TRAF3IP1: variants seen among roughly 807,000 people sequenced by gnomAD.
TRAF3IP1 encodes the protein TRAF3-interacting protein 1.
In TRAF3IP1, 53 loss-of-function variants were observed where a neutral mutation model predicts 89.9. That is an observed-to-expected ratio of 0.59 (90% CI 0.47 to 0.74). The LOEUF is 0.74. TRAF3IP1 is among the 30% of genes least tolerant of loss of function. The pLI is 0.00. For missense variants in TRAF3IP1, 806 were observed against 866.1 expected, an observed-to-expected ratio of 0.93 and a Z score of 0.87; for synonymous variants, 311 against 322.1, an observed-to-expected ratio of 0.97 and a Z score of 0.37.
At chr2:238,386,605 G>C (rs1183948532) in intron 15 of TRAF3IP1, among the ~76,000 whole-genome samples, 3 of 152,152 alleles carry the variant, frequency 2.0e-5, no homozygotes, top group Non-Finnish European at 4.4e-5. Flanking sequence ...GAGCCACTGA[G>C]CCCGGCCAAA....
chr2:238,379,010 C>T lies in TRAF3IP1; in HGVS notation c.1690-18449C>T, dbSNP rs113725999. ...GGTGCCCTCTGTGGGACTCAGCGTT[C>T]GGTCCCCACCTCAGGCAGCCTGGCG... On this transcript the variant is annotated intron_variant, in intron 15 of 16. Coordinates refer to ENST00000373327, the MANE Select transcript of TRAF3IP1 (RefSeq NM_015650.4). The surrounding 1 kb of genome is among the most constrained non-coding windows in gnomAD (Gnocchi z 4.0). Among the ~76,000 whole-genome samples the T allele has an allele frequency of 0.059, 9,024 of 152,232 alleles. 379 individuals carry two copies. Among genetic ancestry groups the T allele is most frequent in the Non-Finnish European group, 0.081 (5,533 of 68,020 alleles).
chr2:238,378,387 G>A (rs890039739), intron 15 of TRAF3IP1, among the ~76,000 whole-genome samples: 2 of 152,134 alleles, frequency 1.3e-5, no homozygotes, highest in African/African-American at 2.4e-5. Flanking sequence ...CACTGTTCTC[G>A]GCATTCAGTC....
At chr2:238,337,694 C>T (rs1240525796) in intron 7 of TRAF3IP1, among the ~76,000 whole-genome samples, 4 of 152,194 alleles carry the variant, frequency 2.6e-5, no homozygotes, top group East Asian at 1.9e-4. Context: ...CTTGTTTGAA[C>T]GGAAAGGAAT....
intron 1 of TRAF3IP1, among the ~76,000 whole-genome samples, chr2:238,323,500 C>T (rs966640611): frequency 1.3e-4 from 20 of 152,192 alleles, no homozygotes; most frequent in African/African-American, 4.3e-4. Flanking sequence ...TCAAGAAAAA[C>T]AGTAGCATAG....
intron 15 of TRAF3IP1, among the ~76,000 whole-genome samples, chr2:238,363,271 A>G (rs916614481): frequency 3.9e-5 from 6 of 152,050 alleles, no homozygotes; most frequent in Non-Finnish European, 7.4e-5. Context: ...CTTTATTTTG[A>G]GTCGTTGTCG....
rs148812100 is a variant in TRAF3IP1 at position 238,397,478 on chromosome 2, C to T, written c.1709C>T (p.Ser570Leu). 14 of 1,612,760 alleles carry T rather than the reference C, an allele frequency of 8.7e-6. No homozygotes were observed. Among genetic ancestry groups the T allele is most frequent in the East Asian group, 2.2e-5 (1 of 44,864 alleles). ...PGEKERSLFE[S>L]AWKKEKDIVS... ...CTGTAGGAGCGATCTCTCTTTGAGT[C>T]GGCATGGAAGAAGGAGAAGGACATC... Residue 570 changes from serine (S) to leucine (L), a missense_variant, in exon 16 of 17, where the codon TCG becomes TTG. Coordinates refer to ENST00000373327, the MANE Select transcript of TRAF3IP1 (RefSeq NM_015650.4).
At chr2:238,357,372 GTT>G (rs1699464641) in intron 15 of TRAF3IP1, among the ~76,000 whole-genome samples, 1 of 152,114 alleles carries the variant, frequency 6.6e-6, no homozygotes, top group Non-Finnish European at 1.5e-5. Context: ...ATTTAAAAAA[GTT>G]TTATATATAG....
intron 15 of TRAF3IP1, among the ~76,000 whole-genome samples, chr2:238,386,034 T>C (rs1039199076): frequency 7.9e-5 from 12 of 152,254 alleles, no homozygotes; most frequent in African/African-American, 2.9e-4. Context: ...ATTTGGGGTA[T>C]ACATGCAGAC....
At chr2:238,394,529 A>G (rs1228297136) in intron 15 of TRAF3IP1, among the ~76,000 whole-genome samples, 1 of 152,222 alleles carries the variant, frequency 6.6e-6, no homozygotes, top group Non-Finnish European at 1.5e-5. Flanking sequence ...AACTAAGGAT[A>G]GTCTTCTATT....
At chr2:238,396,544 T>TA (rs112286282) in intron 15 of TRAF3IP1, among the ~76,000 whole-genome samples, 24 of 142,374 alleles carry the variant, frequency 1.7e-4, no homozygotes, top group Middle Eastern at 3.6e-3. Context: ...ATAAAAAAAT[T>TA]AAAAAAAAAA....
rs1699045176 is a variant in TRAF3IP1, at chr2:238,349,400, A to T, written c.1443A>T (p.Gln481His). 6.2e-7 allele frequency: 1 copy of T among 1,614,096 alleles called. No individual in the cohort carries two copies. The highest frequency in any genetic ancestry group is 1.1e-5 in the South Asian group (1 of 91,068). ...GGCAAGACAGCATGGAGGCGCTACAAATGGATAGGTAAGGCTGGCTCAGCA... is the reference window on the plus strand; with the variant it reads ...GGCAAGACAGCATGGAGGCGCTACATATGGATAGGTAAGGCTGGCTCAGCA... Reference protein sequence around the residue: ...VKRQDSMEALQMDRSGSGKTV... With the variant: ...VKRQDSMEALHMDRSGSGKTV... The change falls in exon 12 of 17, where the codon CAA becomes CAT. Residue 481 changes from glutamine to histidine, a missense_variant. Coordinates refer to ENST00000373327, the MANE Select transcript of TRAF3IP1 (RefSeq NM_015650.4).
intron 15 of TRAF3IP1, among the ~76,000 whole-genome samples, chr2:238,358,846 C>T (rs1699537723): frequency 6.6e-6 from 1 of 152,214 alleles, no homozygotes; most frequent in Admixed American, 6.5e-5. Context: ...CATTTCCTTT[C>T]ATAGACAATG....
chr2:238,377,105 TC>T (rs1364706056), intron 15 of TRAF3IP1, among the ~76,000 whole-genome samples: 2 of 152,204 alleles, frequency 1.3e-5, no homozygotes, highest in East Asian at 3.8e-4. Flanking sequence ...TGGCTTCATT[TC>T]CTTCTTTCCA....
At chr2:238,376,543 C>T in intron 15 of TRAF3IP1, among the ~76,000 whole-genome samples, 1 of 152,300 alleles carries the variant, frequency 6.6e-6, no homozygotes, top group Non-Finnish European at 1.5e-5. Context: ...GAAAAACCCT[C>T]TTGGGATTTC....
At chr2:238,341,546 T>TAAAA (rs75778043) in intron 8 of TRAF3IP1, among the ~76,000 whole-genome samples, 49 of 137,538 alleles carry the variant, frequency 3.6e-4, no homozygotes, top group African/African-American at 1.3e-3. Context: ...TTTTTTTTTT[T>TAAAA]AAAAAAAAAA....
chr2:238,369,190 T>C (rs1445429573), intron 15 of TRAF3IP1, among the ~76,000 whole-genome samples: 1 of 152,310 alleles, frequency 6.6e-6, no homozygotes, highest in East Asian at 1.9e-4. Flanking sequence ...ATAATGCTGT[T>C]ATTTTAATAG....
intron 15 of TRAF3IP1, 84 bp downstream of exon 15, chr2:238,356,164 C>CA (rs67040560): frequency 0.068 from 72,624 of 1,067,804 alleles, 4,790 homozygotes; most frequent in African/African-American, 0.3. Flanking sequence ...GAGCATCTTT[C>CA]AATATTACCA....
intron 5 of TRAF3IP1, 92 bp downstream of exon 5, chr2:238,329,434 A>C: frequency 8.4e-7 from 1 of 1,190,036 alleles, no homozygotes; most frequent in Non-Finnish European, 1.1e-6. Context: ...TATGACTAGG[A>C]AACTGGTTTT....
At position 238,320,563 on chromosome 2, in the gene TRAF3IP1, G is replaced by GCGGCGGCGGCGGCGGGGC. The variant is rs1316574492; in HGVS notation, c.-89_-72dup. 6.1e-6 allele frequency: 6 copies of GCGGCGGCGGCGGCGGGGC among 980,554 alleles called. No homozygotes were observed. The African/African-American group carries it at 8.8e-5, about 14-fold the overall frequency. The allele number at this position is 980,554 out of a possible 1,614,324, so 60.7% of individuals were successfully genotyped here. ...GAGCGGCGCGTCCTGGCAGGACCGG[G>GCGGCGGCGGCGGCGGGGC]CGGCGGCGGCGGCGGGGCCGGCGGC... On this transcript the variant is annotated 5_prime_UTR_variant, in exon 1 of 17. Coordinates refer to ENST00000373327, the MANE Select transcript of TRAF3IP1 (RefSeq NM_015650.4).
Sources: allele counts gnomAD v4.1 joint callset (sites outside exome capture counted in the v4.1 genomes callset), GRCh38; gene constraint gnomAD v4.1.1; non-coding constraint Gnocchi (gnomAD v3.1); transcripts MANE v1.5; gene names NCBI Gene and HGNC (gene_info 2026-07-23, HGNC 2026-07-21).